PTPRN2: variants seen among roughly 807,000 people sequenced by gnomAD.
PTPRN2 encodes protein tyrosine phosphatase receptor type N2.
In PTPRN2, 74 loss-of-function variants were observed where a neutral mutation model predicts 118.8. The ratio of observed to expected loss-of-function variants is 0.62; its 90% confidence interval spans 0.52 to 0.76. PTPRN2 has a LOEUF of 0.76. Among genes scored for constraint, PTPRN2 ranks in the 30% least tolerant of loss-of-function variants. The pLI, the probability that PTPRN2 is intolerant of heterozygous loss-of-function variation, is 0.00. For synonymous variants in PTPRN2, 641 were observed against 608.0 expected (o/e 1.05, Z -0.80); for missense variants, 1,481 against 1,394.4 (o/e 1.06, Z -0.99).
In PTPRN2 at chr7:157,619,317, G is replaced by A. The variant is rs866404203; in HGVS notation, c.2344+2045C>T. ...AGACACACAGAGACATATAATGCAC[G>A]CTTACTGCATGGCTATTTACCACGA... On this transcript the variant is annotated intron_variant, in intron 15 of 22. Transcript: ENST00000389418. The surrounding 1 kb of genome is among the most constrained non-coding windows in gnomAD (Gnocchi z 5.3). 3.3e-5 allele frequency among the ~76,000 whole-genome samples: 5 copies of A among 152,062 alleles called. No individual in the cohort carries two copies. The highest frequency in any genetic ancestry group is 6.5e-5 in the Admixed American group (1 of 15,272).
chr7:158,332,567 T>A lies in PTPRN2; in HGVS notation c.164-15635A>T, dbSNP rs540077722. Among the ~76,000 whole-genome samples, 163 of 150,992 alleles carry A rather than the reference T, an allele frequency of 1.1e-3. 3 individuals are homozygous for A. Among genetic ancestry groups the A allele is most frequent in the African/African-American group, 3.8e-3 (154 of 40,760 alleles). Reference sequence around the variant, plus strand: ...TACTCTCACCATAAGAGGTGACACCTGCAGACGTCACTCACACCCACACTC... The same window carrying A: ...TACTCTCACCATAAGAGGTGACACCAGCAGACGTCACTCACACCCACACTC... On this transcript the variant is annotated intron_variant, in intron 2 of 22. Transcript: ENST00000389418.
intron 10 of PTPRN2, among the ~76,000 whole-genome samples, chr7:158,087,006 C>T (rs1158583427): frequency 6.6e-6 from 1 of 152,204 alleles, no homozygotes; most frequent in Non-Finnish European, 1.5e-5. Flanking sequence ...CGATTTTGCA[C>T]ATTACATTAT....
At chr7:158,505,986 G>A (rs1401401885) in intron 1 of PTPRN2, among the ~76,000 whole-genome samples, 1 of 152,238 alleles carries the variant, frequency 6.6e-6, no homozygotes, top group African/African-American at 2.4e-5. Flanking sequence ...AGCCCACCGC[G>A]CGTCCTCACA....
chr7:158,476,638 G>A (rs1471018414), intron 2 of PTPRN2, among the ~76,000 whole-genome samples: 1 of 152,254 alleles, frequency 6.6e-6, no homozygotes, highest in African/African-American at 2.4e-5. Flanking sequence ...CCCTGACACC[G>A]AGTCAATCTG....
chr7:157,789,739 CATGTGTGGTGTGTGTGGGGTAT>C (rs1361075231), intron 12 of PTPRN2, among the ~76,000 whole-genome samples: 1 of 126,742 alleles, frequency 7.9e-6, no homozygotes, highest in Non-Finnish European at 1.7e-5. Flanking sequence ...CTGTGGGGTA[CATGTGTGGTGTGTGTGGGGTAT>C]ATGTGTGGTG....
At position 157,674,520 on chromosome 7, in the gene PTPRN2, G is replaced by A. The variant is rs1326811709; in HGVS notation, c.2001+8205C>T. 9.9e-5 allele frequency among the ~76,000 whole-genome samples: 15 copies of A among 152,200 alleles called. No homozygotes were observed. The highest frequency in any genetic ancestry group is 2.1e-4 in the South Asian group (1 of 4,830). The stretch of plus-strand genomic sequence containing the variant: ...CCATCATTCCTCATCCCACCACCCC[G>A]CGCAGCGTCTTGCCTCCTTTTATGC... On this transcript the variant is annotated intron_variant, in intron 13 of 22. Coordinates refer to ENST00000389418, the MANE Select transcript of PTPRN2 (RefSeq NM_002847.5). This position sits in a 1 kb window ranked among gnomAD's most constrained non-coding sequence, Gnocchi z 4.5.
In PTPRN2 at chr7:158,067,127, C is replaced by T. The variant is rs182155432; in HGVS notation, c.1723+14171G>A. Among the ~76,000 whole-genome samples the T allele has an allele frequency of 2.0e-3, 310 of 152,342 alleles. 1 individual carries two copies. Among genetic ancestry groups the T allele is most frequent in the African/African-American group, 7.2e-3 (300 of 41,574 alleles). ...TCAGGTTACTATGGCCACAGGAGGG[C>T]TGAGGCATGTTAGATGGGTGGAGGG... On this transcript the variant is annotated intron_variant, in intron 11 of 22. Coordinates refer to ENST00000389418, the MANE Select transcript of PTPRN2 (RefSeq NM_002847.5).
At chr7:158,139,476 C>T (rs531979194) in intron 6 of PTPRN2, among the ~76,000 whole-genome samples, 37 of 151,722 alleles carry the variant, frequency 2.4e-4, no homozygotes, top group African/African-American at 7.3e-4. Flanking sequence ...TCCAAGCCGT[C>T]GGAGTCAGGA....
At position 158,204,199 on chromosome 7, in the gene PTPRN2, G is replaced by C. The variant is rs139298649; in HGVS notation, c.380+972C>G. 6.6e-5 allele frequency among the ~76,000 whole-genome samples: 10 copies of C among 150,566 alleles called. No individual in the cohort carries two copies. In the South Asian group the frequency reaches 8.5e-4, roughly 13 times the overall value. Reference sequence around the variant, plus strand: ...GCAGCCGCCGCCCTCAGCGTGCGCCGTGTGGTGAAGACGAAGCCCCCGCCC... The same window carrying C: ...GCAGCCGCCGCCCTCAGCGTGCGCCCTGTGGTGAAGACGAAGCCCCCGCCC... On this transcript the variant is annotated intron_variant, in intron 4 of 22. Transcript: ENST00000389418.
At chr7:158,098,355 G>A (rs765333129) in intron 10 of PTPRN2, among the ~76,000 whole-genome samples, 1 of 152,234 alleles carries the variant, frequency 6.6e-6, no homozygotes, top group Non-Finnish European at 1.5e-5. Context: ...CGAAGGCTCC[G>A]AGGGACGGGC....
intron 2 of PTPRN2, among the ~76,000 whole-genome samples, chr7:158,341,175 C>A (rs1262551404): frequency 6.6e-6 from 1 of 150,746 alleles, no homozygotes; most frequent in Non-Finnish European, 1.5e-5. Context: ...ACGTCACTCA[C>A]ACCCACACTC....
At chr7:157,949,202 G>A (rs905764849) in intron 11 of PTPRN2, among the ~76,000 whole-genome samples, 5 of 152,218 alleles carry the variant, frequency 3.3e-5, no homozygotes, top group Non-Finnish European at 5.9e-5. Context: ...AGGGACTCAC[G>A]TAGGATCCAA....
At chr7:158,246,130 AATTG>A (rs61481693) in intron 3 of PTPRN2, among the ~76,000 whole-genome samples, 121,187 of 150,996 alleles carry the variant, frequency 0.8, 49,083 homozygotes, top group African/African-American at 0.9. Flanking sequence ...TGCATTCACT[AATTG>A]ATTGATTGAT....
intron 12 of PTPRN2, among the ~76,000 whole-genome samples, chr7:157,789,698 G>A (rs1394609218): frequency 6.8e-6 from 1 of 146,682 alleles, no homozygotes. Context: ...GGGGGTATGT[G>A]TGTGTGGTGT....
In PTPRN2 at chr7:157,953,633, A is replaced by G. The variant is rs1241650047; in HGVS notation, c.1724-54896T>C. Reference sequence around the variant, plus strand: ...ACTGCCCTGCTTGGACACTCTCTGGACAGGAGACACCTCACCCCTCACAGA... The same window carrying G: ...ACTGCCCTGCTTGGACACTCTCTGGGCAGGAGACACCTCACCCCTCACAGA... On this transcript the variant is annotated intron_variant, in intron 11 of 22. Transcript: ENST00000389418. This position sits in a 1 kb window ranked among gnomAD's most constrained non-coding sequence, Gnocchi z 4.6. Among the ~76,000 whole-genome samples the G allele has an allele frequency of 6.6e-6, 1 of 152,082 alleles. No individual in the cohort carries two copies. The highest frequency in any genetic ancestry group is 1.9e-4 in the East Asian group (1 of 5,154).
rs927309462 is a variant in PTPRN2, at chr7:157,986,645, G to A, written c.1724-87908C>T. ...ATTCCCATTCACTCAGCATTACCAC[G>A]GTTTGATATTAGGACTGCTTGATTC... On this transcript the variant is annotated intron_variant, in intron 11 of 22. Transcript: ENST00000389418. This position sits in a 1 kb window ranked among gnomAD's most constrained non-coding sequence, Gnocchi z 4.5. 3.3e-5 allele frequency among the ~76,000 whole-genome samples: 5 copies of A among 152,150 alleles called. No homozygotes were observed. The highest frequency in any genetic ancestry group is 1.2e-4 in the African/African-American group (5 of 41,432).
intron 9 of PTPRN2, among the ~76,000 whole-genome samples, chr7:158,125,313 G>A (rs1291215856): frequency 6.8e-6 from 1 of 148,082 alleles, no homozygotes; most frequent in Admixed American, 6.7e-5. Context: ...GTCCCTCCCA[G>A]GGCCACCTCC....
intron 12 of PTPRN2, among the ~76,000 whole-genome samples, chr7:157,846,331 A>T (rs1808798134): frequency 6.6e-6 from 1 of 152,212 alleles, no homozygotes; most frequent in South Asian, 2.1e-4. Flanking sequence ...TATGAACCTA[A>T]GAACAGTCCG....
intron 13 of PTPRN2, among the ~76,000 whole-genome samples, chr7:157,662,768 G>A (rs1189624780): frequency 1.3e-5 from 2 of 152,192 alleles, no homozygotes; most frequent in African/African-American, 2.4e-5. Context: ...CTGCATCCAT[G>A]CCGCGACTGC....
Sources: gnomAD v4.1 joint callset for allele counts (sites outside exome capture counted in the v4.1 genomes callset) on GRCh38, gnomAD v4.1.1 for gene constraint, Gnocchi (gnomAD v3.1) non-coding constraint, MANE v1.5 for transcripts, NCBI Gene and HGNC (gene_info 2026-07-23, HGNC 2026-07-21) for gene names.